The following SLC25A31 variants were observed in gnomAD, a reference collection of about 807,000 sequenced individuals.
SLC25A31 encodes the protein ADP/ATP translocase 4.
In SLC25A31, 40 loss-of-function variants were observed where a neutral mutation model predicts 36.2. The ratio of observed to expected loss-of-function variants is 1.10; its 90% CI spans 0.86 to 1.44. The LOEUF (loss-of-function observed/expected upper bound fraction) is 1.44. SLC25A31 is among the 40% of genes most tolerant of loss of function. The pLI is 0.00. For missense variants in SLC25A31, 350 were observed against 397.1 expected (o/e 0.88, Z 1.01); for synonymous variants, 143 against 149.7 (o/e 0.96, Z 0.32).
In SLC25A31 at chr4:127,730,706, C is replaced by G; in HGVS notation, c.161C>G (p.Ser54Trp). The G allele has an allele frequency of 1.2e-6, 2 of 1,613,880 alleles. No individual in the cohort carries two copies. The highest frequency in any genetic ancestry group is 1.7e-6 in the Non-Finnish European group (2 of 1,179,942). The change falls in exon 1 of 6, where the codon TCG becomes TGG. Residue 54 changes from serine to tryptophan, a missense_variant. Ser to Trp is a radical substitution (Grantham distance 177). Transcript: ENST00000281154. The part of the protein sequence containing the change: ...VKLLLQVQAS[S>W]KQISPEARYK... ...CTGCTGCTGCAGGTGCAGGCGTCGTCGAAGCAGATCAGCCCCGAGGCGCGG... is the reference window on the plus strand; with the variant it reads ...CTGCTGCTGCAGGTGCAGGCGTCGTGGAAGCAGATCAGCCCCGAGGCGCGG...
At chr4:127,762,505 G>A (rs889460168) in intron 2 of SLC25A31, among the ~76,000 whole-genome samples, 1 of 152,094 alleles carries the variant, frequency 6.6e-6, no homozygotes, top group Non-Finnish European at 1.5e-5. Flanking sequence ...CTGTGGTGAT[G>A]GTTGCACAAC....
intron 1 of SLC25A31, among the ~76,000 whole-genome samples, chr4:127,743,231 A>G (rs1401560066): frequency 6.6e-6 from 1 of 151,832 alleles, no homozygotes; most frequent in Non-Finnish European, 1.5e-5. Context: ...CCTCAGCTCA[A>G]GAAATCCTCC....
intron 2 of SLC25A31, among the ~76,000 whole-genome samples, chr4:127,751,668 A>G (rs1017358691): frequency 1.3e-5 from 2 of 152,136 alleles, no homozygotes; most frequent in Non-Finnish European, 2.9e-5. Context: ...TTTGCAATCT[A>G]CTCATCTGAC....
chr4:127,739,113 A>G (rs180761417), intron 1 of SLC25A31, among the ~76,000 whole-genome samples: 68 of 152,224 alleles, frequency 4.5e-4, no homozygotes, highest in African/African-American at 1.4e-3. Context: ...TTAATATTTG[A>G]TATATGAGGT....
intron 5 of SLC25A31, among the ~76,000 whole-genome samples, chr4:127,772,241 T>A (rs948620994): frequency 5.3e-5 from 8 of 152,234 alleles, no homozygotes; most frequent in African/African-American, 1.7e-4. Context: ...AACAACTGAT[T>A]GAATTTTTAA....
chr4:127,769,373 A>G (rs781414067), intron 5 of SLC25A31, among the ~76,000 whole-genome samples: 2 of 152,216 alleles, frequency 1.3e-5, no homozygotes, highest in African/African-American at 2.4e-5. Context: ...TGACCATCCC[A>G]AATCTGAAAA....
At chr4:127,749,320 G>T (rs1008685658) in intron 2 of SLC25A31, among the ~76,000 whole-genome samples, 1 of 152,116 alleles carries the variant, frequency 6.6e-6, no homozygotes, top group African/African-American at 2.4e-5. Flanking sequence ...AGTACACAAT[G>T]AAGAAAAAGG....
At chr4:127,757,129 A>G (rs1732045928) in intron 2 of SLC25A31, among the ~76,000 whole-genome samples, 2 of 152,220 alleles carry the variant, frequency 1.3e-5, no homozygotes, top group African/African-American at 4.8e-5. Context: ...ACTCAGCAGT[A>G]GAAAGGAAGA....
chr4:127,765,381 A>G (rs1029775650), intron 3 of SLC25A31, among the ~76,000 whole-genome samples: 1 of 152,072 alleles, frequency 6.6e-6, no homozygotes, highest in African/African-American at 2.4e-5. Flanking sequence ...ACTCCTCCCT[A>G]TTCTCTCCAT....
intron 2 of SLC25A31, among the ~76,000 whole-genome samples, chr4:127,749,531 G>T (rs1560634756): frequency 6.6e-6 from 1 of 152,188 alleles, no homozygotes; most frequent in East Asian, 1.9e-4. Context: ...GGATCACGAG[G>T]TCAGCAGATC....
At chr4:127,767,256 T>C in intron 4 of SLC25A31, 36 bp downstream of exon 4, 1 of 1,405,564 alleles carries the variant, frequency 7.1e-7, no homozygotes, top group Non-Finnish European at 9.4e-7. Flanking sequence ...ATATTAAATA[T>C]ATGGTTTCCA....
chr4:127,736,708 A>G (rs1305940100), intron 1 of SLC25A31, among the ~76,000 whole-genome samples: 2 of 152,160 alleles, frequency 1.3e-5, no homozygotes, highest in African/African-American at 2.4e-5. Context: ...AACTATACCT[A>G]TCTGATACGG....
chr4:127,746,165 G>A (rs925581268), intron 2 of SLC25A31, among the ~76,000 whole-genome samples: 1 of 151,982 alleles, frequency 6.6e-6, no homozygotes, highest in African/African-American at 2.4e-5. Flanking sequence ...GCATAGTATC[G>A]CATGTTATAT....
At chr4:127,732,652 G>A (rs1011147189) in intron 1 of SLC25A31, among the ~76,000 whole-genome samples, 3 of 152,028 alleles carry the variant, frequency 2.0e-5, no homozygotes, top group Non-Finnish European at 4.4e-5. Context: ...ATTCAATATG[G>A]CCCTTGTAAG....
At chr4:127,737,917 G>C (rs935958371) in intron 1 of SLC25A31, among the ~76,000 whole-genome samples, 4 of 148,886 alleles carry the variant, frequency 2.7e-5, no homozygotes, top group Non-Finnish European at 5.9e-5. Context: ...CATAATTACA[G>C]AATTATAACT....
intron 2 of SLC25A31, among the ~76,000 whole-genome samples, chr4:127,749,701 T>C (rs1328692192): frequency 4.6e-5 from 5 of 108,064 alleles, no homozygotes; most frequent in Non-Finnish European, 7.1e-5. Flanking sequence ...AGAGTGAGAC[T>C]CCATCTCAAA....
chr4:127,758,240 G>A (rs1172527936), intron 2 of SLC25A31, among the ~76,000 whole-genome samples: 1 of 152,142 alleles, frequency 6.6e-6, no homozygotes, highest in East Asian at 1.9e-4. Flanking sequence ...TATCAGTGAT[G>A]TTGAACATTT....
At position 127,767,148 on chromosome 4, in the gene SLC25A31, A is replaced by C. The variant is rs780900455; in HGVS notation, c.561A>C (p.Gln187His). The change falls in exon 4 of 6, where the codon CAA becomes CAC. Residue 187 changes from glutamine (Q) to histidine (H), a missense_variant. Physicochemically the swap from Gln to His is conservative, Grantham distance 24. Transcript: ENST00000281154. ...AKSDGIAGLY[Q>H]GFGVSVQGII... ...CAGATGGAATTGCTGGTTTATACCA[A>C]GGGTTTGGTGTTTCAGTACAGGGCA... The C allele has an allele frequency of 1.9e-6, 3 of 1,613,916 alleles. No homozygotes were observed. The highest frequency in any genetic ancestry group is 2.5e-6 in the Non-Finnish European group (3 of 1,179,890).
Position 127,773,782 on chromosome 4 carries a change from A to G in SLC25A31, c.*208A>G, listed in dbSNP as rs1732415343. The G allele has an allele frequency of 2.5e-6, 1 of 397,154 alleles. No individual in the cohort carries two copies. Among genetic ancestry groups the G allele is most frequent in the Non-Finnish European group, 4.4e-6 (1 of 226,956 alleles). The allele number at this position is 397,154 out of a possible 1,614,324, so 24.6% of individuals were successfully genotyped here. On this transcript the variant is annotated 3_prime_UTR_variant, in exon 6 of 6. Coordinates refer to ENST00000281154, the MANE Select transcript of SLC25A31 (RefSeq NM_031291.4). ...TCCCACTTAGACTCAAACACATTTTAGTGTGATATTTCATTTATTATAGGT... is the reference window on the plus strand; with the variant it reads ...TCCCACTTAGACTCAAACACATTTTGGTGTGATATTTCATTTATTATAGGT...
Sources: allele counts gnomAD v4.1 joint callset (sites outside exome capture counted in the v4.1 genomes callset), GRCh38; gene constraint gnomAD v4.1.1; transcripts MANE v1.5; gene names NCBI Gene and HGNC (gene_info 2026-07-23, HGNC 2026-07-21).